Variants in CDC42 observed in about 807,000 individuals in gnomAD.
The protein encoded by CDC42 is cell division cycle 42, also known as cell division control protein 42 homolog.
A neutral mutation model predicts 20.8 loss-of-function variants in CDC42; 1 was observed. That is an observed-to-expected ratio of 0.05 (90% confidence interval 0.02 to 0.23). The LOEUF (loss-of-function observed/expected upper bound fraction) is 0.23. CDC42 is among the 10% of genes least tolerant of loss of function. The pLI, the probability that CDC42 is intolerant of heterozygous loss-of-function variation, is 1.00. For missense variants in CDC42, 49 were observed against 227.9 expected, an observed-to-expected ratio of 0.21 and a Z score of 5.05; for synonymous variants, 72 against 84.8, an observed-to-expected ratio of 0.85 and a Z score of 0.83.
chr1:22,095,964 T>A lies in CDC42; in HGVS notation c.*4447T>A, dbSNP rs1645755799. On this transcript the variant is annotated 3_prime_UTR_variant, in exon 6 of 6. Transcript: ENST00000656825. ...TTTTAAAAAAATTTATTTATTTATT[T>A]ATTTATTTATTTTCAGACGGGGTCT... 6.6e-6 allele frequency among the ~76,000 whole-genome samples: 1 copy of A among 152,100 alleles called. No homozygotes were observed. The highest frequency in any genetic ancestry group is 6.6e-5 in the Admixed American group (1 of 15,258).
chr1:22,066,187 AGTT>A (rs1645421617), intron 1 of CDC42, among the ~76,000 whole-genome samples: 1 of 152,118 alleles, frequency 6.6e-6, no homozygotes, highest in African/African-American at 2.4e-5. Flanking sequence ...GTATAAGCCT[AGTT>A]GTTCTCTCAG....
At chr1:22,060,610 A>G (rs956374641) in intron 1 of CDC42, among the ~76,000 whole-genome samples, 5 of 152,170 alleles carry the variant, frequency 3.3e-5, no homozygotes, top group Admixed American at 2.6e-4. Flanking sequence ...TTTTTAATCT[A>G]TATAAAAGCA....
At chr1:22,065,316 A>G (rs1645410950) in intron 1 of CDC42, among the ~76,000 whole-genome samples, 1 of 152,206 alleles carries the variant, frequency 6.6e-6, no homozygotes, top group African/African-American at 2.4e-5. Flanking sequence ...CCTTTCTGTA[A>G]TATTTTGAAT....
chr1:22,094,976 C>CG lies in CDC42; in HGVS notation c.*3460dup, dbSNP rs1420448507. ...TTTTGGTGCTGGGTGCTAAGAAACT[C>CG]GCAAAACAAGGGCCCTGCTCAAGAA... is the stretch of plus-strand genomic sequence containing the variant. On this transcript the variant is annotated 3_prime_UTR_variant, in exon 6 of 6. Coordinates refer to ENST00000656825, the MANE Select transcript of CDC42 (RefSeq NM_001791.4). Among the ~76,000 whole-genome samples the CG allele has an allele frequency of 6.6e-6, 1 of 152,098 alleles. No homozygotes were observed. The highest frequency in any genetic ancestry group is 2.4e-5 in the African/African-American group (1 of 41,388).
At chr1:22,073,550 A>G (rs1431795503) in intron 1 of CDC42, among the ~76,000 whole-genome samples, 1 of 152,110 alleles carries the variant, frequency 6.6e-6, no homozygotes, top group Non-Finnish European at 1.5e-5. Context: ...AAAAAAAAAA[A>G]AGAAAAATAA....
intron 1 of CDC42, among the ~76,000 whole-genome samples, chr1:22,071,038 T>C (rs535013902): frequency 1.3e-4 from 10 of 77,984 alleles, no homozygotes; most frequent in African/African-American, 6.1e-4. Context: ...ATTTCTTTTT[T>C]TTTCTTTCTT....
intron 5 of CDC42, among the ~76,000 whole-genome samples, chr1:22,087,374 T>C (rs1645671386): frequency 6.6e-6 from 1 of 152,218 alleles, no homozygotes; most frequent in Non-Finnish European, 1.5e-5. Flanking sequence ...GTGCTTTATA[T>C]AGTGTCCCTA....
chr1:22,094,147 T>G lies in CDC42; in HGVS notation c.*2630T>G, dbSNP rs1038547899. ...GTCGTGGCTTAGAAGGTGAGTGATATTCTCCAGGGAGTATGATTTAGAGGC... is the reference window on the plus strand; with the variant it reads ...GTCGTGGCTTAGAAGGTGAGTGATAGTCTCCAGGGAGTATGATTTAGAGGC... On this transcript the variant is annotated 3_prime_UTR_variant, in exon 6 of 6. Coordinates refer to ENST00000656825, the MANE Select transcript of CDC42 (RefSeq NM_001791.4). Among the ~76,000 whole-genome samples the G allele has an allele frequency of 6.6e-6, 1 of 152,074 alleles. No individual in the cohort carries two copies. The highest frequency in any genetic ancestry group is 1.5e-5 in the Non-Finnish European group (1 of 68,010).
Position 22,091,922 on chromosome 1 carries a change from G to A in CDC42, c.*405G>A, listed in dbSNP as rs2124056280. The A allele has an allele frequency of 6.5e-6, 1 of 153,168 alleles. No homozygotes were observed. Among genetic ancestry groups the A allele is most frequent in the Non-Finnish European group, 1.4e-5 (1 of 69,142 alleles). The allele number at this position is 153,168 out of a possible 1,614,324, so 9.5% of individuals were successfully genotyped here. A position where few individuals can be genotyped will look rare whatever the true frequency, so the allele number is the denominator to read the frequency against. Reference sequence around the variant, plus strand: ...GGAGAGTAATCTGGGACATCTTAGTGTTTTGTTTTGTTTTTTTCCCTCCTC... The same window carrying A: ...GGAGAGTAATCTGGGACATCTTAGTATTTTGTTTTGTTTTTTTCCCTCCTC... On this transcript the variant is annotated 3_prime_UTR_variant, in exon 6 of 6. Transcript: ENST00000656825.
chr1:22,067,115 ATGAGAAGGTT>A (rs548691320), intron 1 of CDC42, among the ~76,000 whole-genome samples: 12 of 152,170 alleles, frequency 7.9e-5, no homozygotes, highest in Non-Finnish European at 1.6e-4. Flanking sequence ...GGAACGGAGC[ATGAGAAGGTT>A]TGAGAAGGCA....
chr1:22,055,638 G>A (rs549913052), intron 1 of CDC42, among the ~76,000 whole-genome samples: 19 of 151,990 alleles, frequency 1.3e-4, no homozygotes, highest in African/African-American at 2.9e-4. Context: ...TACGGTGCAT[G>A]CAACCAGACC....
At chr1:22,064,025 A>G (rs1645393815) in intron 1 of CDC42, 2 of 151,710 alleles carry the variant, frequency 1.3e-5, no homozygotes, top group African/African-American at 4.8e-5. Context: ...AGGCCTTCAC[A>G]GTCATCTTTA....
At chr1:22,078,633 T>C (rs1292587689) in intron 2 of CDC42, 50 bp downstream of exon 2, 4 of 1,564,334 alleles carry the variant, frequency 2.6e-6, no homozygotes, top group East Asian at 2.3e-5. Flanking sequence ...AAATTTGATA[T>C]CCTTTTGAAA....
chr1:22,075,989 A>G (rs1185673750), intron 1 of CDC42, among the ~76,000 whole-genome samples: 1 of 152,222 alleles, frequency 6.6e-6, no homozygotes, highest in East Asian at 1.9e-4. Flanking sequence ...ATGCAGGGTG[A>G]AAAACAGGAA....
chr1:22,064,675 T>A (rs927120958), intron 1 of CDC42, among the ~76,000 whole-genome samples: 1 of 133,292 alleles, frequency 7.5e-6, no homozygotes, highest in East Asian at 2.2e-4. Flanking sequence ...CTATAGAAGA[T>A]TGCCTAGAGA....
rs748899726 is a variant in CDC42 at position 22,078,657 on chromosome 1, G to A, written c.105+74G>A. Reference sequence around the variant, plus strand: ...ATCCTTTTGAAAACGCTTTCTCTATGTGTACTGAATTTTTTTCTGTTGTCT... The same window carrying A: ...ATCCTTTTGAAAACGCTTTCTCTATATGTACTGAATTTTTTTCTGTTGTCT... On this transcript the variant is annotated intron_variant, in intron 2 of 5. Transcript: ENST00000656825. 8.4e-6 allele frequency: 13 copies of A among 1,550,814 alleles called. No individual in the cohort carries two copies. In the Admixed American group the frequency reaches 1.3e-4, roughly 16 times the overall value.
At chr1:22,054,891 G>GTA (rs1157685736) in intron 1 of CDC42, among the ~76,000 whole-genome samples, 1,351 of 71,764 alleles carry the variant, frequency 0.019, 27 homozygotes, top group Middle Eastern at 0.036. Context: ...TTGAATTTAT[G>GTA]TATATATATA....
intron 2 of CDC42, chr1:22,078,990 G>GTC (rs1225823867): frequency 2.0e-6 from 1 of 489,548 alleles, no homozygotes; most frequent in East Asian, 8.2e-5. Context: ...AGTAGTATGT[G>GTC]TCTCCACTTT....
intron 1 of CDC42, among the ~76,000 whole-genome samples, chr1:22,065,098 A>C (rs779581220): frequency 6.6e-6 from 1 of 152,232 alleles, no homozygotes; most frequent in Non-Finnish European, 1.5e-5. Context: ...TCTCTGTTTT[A>C]CAAAGGAAAC....
Sources: gnomAD v4.1 joint callset for allele counts (sites outside exome capture counted in the v4.1 genomes callset) on GRCh38, gnomAD v4.1.1 for gene constraint, MANE v1.5 for transcripts, NCBI Gene and HGNC (gene_info 2026-07-23, HGNC 2026-07-21) for gene names.